SPSB1: variants seen among roughly 807,000 people sequenced by gnomAD.
The protein encoded by SPSB1 is splA/ryanodine receptor domain and SOCS box containing 1.
Under a neutral mutation model 21.2 loss-of-function variants are expected in SPSB1, and 8 were observed. The observed-to-expected ratio is 0.38, with a 90% CI of 0.22 to 0.68. The LOEUF is 0.68. SPSB1 is among the 30% of genes least tolerant of loss of function. The pLI is 0.53. For synonymous variants in SPSB1, 169 were observed against 161.7 expected, an observed-to-expected ratio of 1.05 and a Z score of -0.34; for missense variants, 242 against 377.8, an observed-to-expected ratio of 0.64 and a Z score of 2.98.
intron 1 of SPSB1, among the ~76,000 whole-genome samples, chr1:9,344,634 T>G (rs41526651): frequency 0.03 from 4,599 of 152,228 alleles, 225 homozygotes; most frequent in African/African-American, 0.1. Context: ...TGGAGCTTTA[T>G]TAGGCAATTC....
chr1:9,349,554 G>A lies in SPSB1; in HGVS notation c.-149-6189G>A, dbSNP rs367646325. Among the ~76,000 whole-genome samples, 235 of 152,402 alleles carry A rather than the reference G, an allele frequency of 1.5e-3. 1 individual carries two copies. The highest frequency in any genetic ancestry group is 5.4e-3 in the African/African-American group (225 of 41,600). On this transcript the variant is annotated intron_variant, in intron 1 of 2. Transcript: ENST00000328089. Reference sequence around the variant, plus strand: ...TGACAGCTGATCTCTGACACAAGGCGTGCAGGAGCGTGGGTGGGTGGACGG... The same window carrying A: ...TGACAGCTGATCTCTGACACAAGGCATGCAGGAGCGTGGGTGGGTGGACGG...
chr1:9,344,026 GATCCGC>G (rs1171522009), intron 1 of SPSB1, among the ~76,000 whole-genome samples: 1 of 152,172 alleles, frequency 6.6e-6, no homozygotes, highest in African/African-American at 2.4e-5. Flanking sequence ...CTGACCTTGT[GATCCGC>G]CCACCTCGGC....
At chr1:9,340,433 G>A (rs1263351207) in intron 1 of SPSB1, among the ~76,000 whole-genome samples, 2 of 152,084 alleles carry the variant, frequency 1.3e-5, no homozygotes, top group African/African-American at 4.8e-5. Flanking sequence ...GTTGTGTTAT[G>A]AAAACGTGGG....
At chr1:9,300,297 A>AC (rs1639307610) in intron 1 of SPSB1, among the ~76,000 whole-genome samples, 1 of 152,172 alleles carries the variant, frequency 6.6e-6, no homozygotes, top group South Asian at 2.1e-4. Flanking sequence ...TGGGTGTGTT[A>AC]CTCCAGCCCA....
chr1:9,367,769 T>G lies in SPSB1; in HGVS notation c.*194T>G. On this transcript the variant is annotated 3_prime_UTR_variant, in exon 3 of 3. Transcript: ENST00000328089. This position sits in a 1 kb window ranked among gnomAD's most constrained non-coding sequence, Gnocchi z 5.9. ...TCCAACACAGGCTCCTCTTTCCCCC[T>G]TCCCGACATCAGCAGAAGGCAGCAT... is the stretch of plus-strand genomic sequence containing the variant. 2.5e-6 allele frequency: 2 copies of G among 806,630 alleles called. No homozygotes were observed. The highest frequency in any genetic ancestry group is 1.9e-6 in the Non-Finnish European group (1 of 528,264). 50.0% of individuals were successfully genotyped at this position (806,630 alleles called of 1,614,324 possible).
chr1:9,322,467 C>T (rs1467318275), intron 1 of SPSB1, among the ~76,000 whole-genome samples: 2 of 152,200 alleles, frequency 1.3e-5, no homozygotes, highest in East Asian at 1.9e-4. Flanking sequence ...CTCACCTGCA[C>T]GATCTGTCAC....
chr1:9,363,491 C>T lies in SPSB1; in HGVS notation c.695-3957C>T, dbSNP rs1290138052. Reference sequence around the variant, plus strand: ...GATTGTGGCAGCTGGAGGGCCTCATCCCTTTGGAGTCCATGGCTCTCAGAC... The same window carrying T: ...GATTGTGGCAGCTGGAGGGCCTCATTCCTTTGGAGTCCATGGCTCTCAGAC... On this transcript the variant is annotated intron_variant, in intron 2 of 2. Coordinates refer to ENST00000328089, the MANE Select transcript of SPSB1 (RefSeq NM_025106.4). This position sits in a 1 kb window ranked among gnomAD's most constrained non-coding sequence, Gnocchi z 4.5. Among the ~76,000 whole-genome samples, 1 of 152,114 alleles carries T rather than the reference C, an allele frequency of 6.6e-6. No individual in the cohort carries two copies. Among genetic ancestry groups the T allele is most frequent in the Non-Finnish European group, 1.5e-5 (1 of 68,022 alleles).
chr1:9,361,156 C>CCTTTTTTTTTTTTTTTTTTTTTTTTTTTT lies in SPSB1; in HGVS notation c.694+4571_694+4572insCTTTTTTTTTTTTTTTTTTTTTTTTTTTT, dbSNP rs1553128958. ...CAGGCATGGCTGGATCTGTCATTTT[C>CCTTTTTTTTTTTTTTTTTTTTTTTTTTTT]TTTTTTTTTTTTTTTTTTTTTTTTT... On this transcript the variant is annotated intron_variant, in intron 2 of 2. Coordinates refer to ENST00000328089, the MANE Select transcript of SPSB1 (RefSeq NM_025106.4). Among the ~76,000 whole-genome samples, 3 of 102,576 alleles carry CCTTTTTTTTTTTTTTTTTTTTTTTTTTTT rather than the reference C, an allele frequency of 2.9e-5. 1 individual carries two copies. Among genetic ancestry groups the CCTTTTTTTTTTTTTTTTTTTTTTTTTTTT allele is most frequent in the South Asian group, 6.7e-4 (2 of 2,994 alleles). 67.3% of individuals were successfully genotyped at this position (102,576 alleles called of 152,430 possible). A position where few individuals can be genotyped will look rare whatever the true frequency, so the allele number is the denominator to read the frequency against.
intron 1 of SPSB1, among the ~76,000 whole-genome samples, chr1:9,334,322 G>A (rs1178322375): frequency 1.3e-5 from 2 of 152,110 alleles, no homozygotes; most frequent in African/African-American, 2.4e-5. Flanking sequence ...TTGACCTCAG[G>A]TGATCCGCCC....
chr1:9,315,763 C>G (rs758119075), intron 1 of SPSB1, among the ~76,000 whole-genome samples: 1 of 152,330 alleles, frequency 6.6e-6, no homozygotes, highest in Admixed American at 6.5e-5. Flanking sequence ...ACGGAGGGAC[C>G]GCACTGCTCA....
At chr1:9,364,517 G>A (rs1216527832) in intron 2 of SPSB1, among the ~76,000 whole-genome samples, 1 of 152,182 alleles carries the variant, frequency 6.6e-6, no homozygotes, top group African/African-American at 2.4e-5. Context: ...TGTTTTACCC[G>A]AGGGAAACCC....
At chr1:9,322,430 TG>T (rs1639736423) in intron 1 of SPSB1, among the ~76,000 whole-genome samples, 1 of 152,214 alleles carries the variant, frequency 6.6e-6, no homozygotes, top group Admixed American at 6.5e-5. Flanking sequence ...GATTCTCTTT[TG>T]TTATTCCTGT....
intron 1 of SPSB1, among the ~76,000 whole-genome samples, chr1:9,306,537 G>A (rs1008590791): frequency 1.3e-5 from 2 of 152,138 alleles, no homozygotes; most frequent in Admixed American, 6.5e-5. Context: ...CATAATGTCC[G>A]TGATACCTAT....
At chr1:9,306,430 G>T (rs1272043092) in intron 1 of SPSB1, among the ~76,000 whole-genome samples, 1 of 152,152 alleles carries the variant, frequency 6.6e-6, no homozygotes, top group Non-Finnish European at 1.5e-5. Flanking sequence ...ATGGACCGGG[G>T]TCTGTCTATA....
At chr1:9,297,197 T>C (rs1048467614) in intron 1 of SPSB1, among the ~76,000 whole-genome samples, 3 of 152,186 alleles carry the variant, frequency 2.0e-5, no homozygotes, top group Non-Finnish European at 4.4e-5. Context: ...GTTTACTGCG[T>C]AGGCGATGGG....
At chr1:9,339,396 G>C in intron 1 of SPSB1, 2 of 759,498 alleles carry the variant, frequency 2.6e-6, no homozygotes, top group Non-Finnish European at 3.2e-6. Context: ...CAGGACCCAG[G>C]GTCCTCAGGT....
chr1:9,319,567 G>A (rs1489697294), intron 1 of SPSB1, among the ~76,000 whole-genome samples: 1 of 152,150 alleles, frequency 6.6e-6, no homozygotes, highest in Non-Finnish European at 1.5e-5. Flanking sequence ...GGTGGGGAGC[G>A]CTTGGGTCAG....
chr1:9,345,463 G>T lies in SPSB1; in HGVS notation c.-149-10280G>T, dbSNP rs1334893012. Among the ~76,000 whole-genome samples, 1 of 152,180 alleles carries T rather than the reference G, an allele frequency of 6.6e-6. No individual in the cohort carries two copies. Among genetic ancestry groups the T allele is most frequent in the Non-Finnish European group, 1.5e-5 (1 of 68,034 alleles). On this transcript the variant is annotated intron_variant, in intron 1 of 2. Coordinates refer to ENST00000328089, the MANE Select transcript of SPSB1 (RefSeq NM_025106.4). This position sits in a 1 kb window ranked among gnomAD's most constrained non-coding sequence, Gnocchi z 4.8. The stretch of plus-strand genomic sequence containing the variant: ...CCACGTTTTATTCCTCTTGCCGTGG[G>T]AGGGCATGTCTGCTGCTGTCTGGGT...
At chr1:9,313,107 A>G (rs1466875521) in intron 1 of SPSB1, among the ~76,000 whole-genome samples, 2 of 152,224 alleles carry the variant, frequency 1.3e-5, no homozygotes, top group African/African-American at 4.8e-5. Flanking sequence ...AAGTTTAAAA[A>G]AAGTCAAGTC....
Sources: allele counts gnomAD v4.1 joint callset (sites outside exome capture counted in the v4.1 genomes callset), GRCh38; gene constraint gnomAD v4.1.1; non-coding constraint Gnocchi (gnomAD v3.1); transcripts MANE v1.5; gene names NCBI Gene and HGNC (gene_info 2026-07-23, HGNC 2026-07-21).